Variants in ATRNL1 observed in about 807,000 individuals in gnomAD.
ATRNL1 encodes the protein attractin-like protein 1.
ATRNL1 carries 95 observed loss-of-function variants against 182.7 expected under a neutral mutation model. That is an observed-to-expected ratio of 0.52 (90% CI 0.44 to 0.62). The LOEUF (loss-of-function observed/expected upper bound fraction) is 0.62, where lower values mean the gene tolerates loss of function less well. Ranked by LOEUF, ATRNL1 falls within the 20% of genes least tolerant of loss-of-function variation. The probability of loss-of-function intolerance (pLI) is 0.00; values close to 1 mark genes in which losing one functional copy is unlikely to be tolerated. For missense variants in ATRNL1, 1,471 were observed against 1,679.5 expected, an observed-to-expected ratio of 0.88 and a Z score of 2.17; for synonymous variants, 576 against 568.3, an observed-to-expected ratio of 1.01 and a Z score of -0.19.
intron 5 of ATRNL1, among the ~76,000 whole-genome samples, chr10:115,136,692 G>A (rs1374681710): frequency 6.6e-6 from 1 of 152,114 alleles, no homozygotes; most frequent in Admixed American, 6.6e-5. Flanking sequence ...TAATCATACA[G>A]TATGTAGCTT....
chr10:115,717,641 T>C (rs1426791050), intron 26 of ATRNL1, among the ~76,000 whole-genome samples: 2 of 137,418 alleles, frequency 1.5e-5, no homozygotes, highest in Non-Finnish European at 3.1e-5. Flanking sequence ...AATCTCCACA[T>C]CCCGGGTTAA....
intron 20 of ATRNL1, among the ~76,000 whole-genome samples, chr10:115,419,986 T>G (rs897252028): frequency 1.3e-5 from 2 of 151,708 alleles, no homozygotes; most frequent in East Asian, 1.9e-4. Flanking sequence ...CAACAGCACA[T>G]GTAACATTGT....
chr10:115,402,249 T>G (rs1844601077), intron 20 of ATRNL1, among the ~76,000 whole-genome samples: 1 of 152,180 alleles, frequency 6.6e-6, no homozygotes, highest in Non-Finnish European at 1.5e-5. Flanking sequence ...TATGAGCACA[T>G]TTTTCACCTA....
intron 24 of ATRNL1, among the ~76,000 whole-genome samples, chr10:115,484,268 C>T (rs1848913345): frequency 6.6e-6 from 1 of 151,100 alleles, no homozygotes. Flanking sequence ...TTTGTTTTAT[C>T]ATATTTTGAA....
chr10:115,775,024 T>C (rs1555077488), intron 27 of ATRNL1, among the ~76,000 whole-genome samples: 1 of 152,202 alleles, frequency 6.6e-6, no homozygotes, highest in African/African-American at 2.4e-5. Flanking sequence ...TTTTGAATGA[T>C]CAGCTGTTAA....
chr10:115,910,141 G>A (rs1484876342), intron 28 of ATRNL1, among the ~76,000 whole-genome samples: 1 of 152,050 alleles, frequency 6.6e-6, no homozygotes, highest in African/African-American at 2.4e-5. Context: ...CCTGAGAAGG[G>A]CCATTGACAT....
chr10:115,664,929 A>G (rs1397928339), intron 26 of ATRNL1, among the ~76,000 whole-genome samples: 2 of 152,108 alleles, frequency 1.3e-5, no homozygotes, highest in Non-Finnish European at 2.9e-5. Flanking sequence ...TTAAAAATCT[A>G]TGTCATTTGA....
intron 28 of ATRNL1, among the ~76,000 whole-genome samples, chr10:115,939,029 T>A (rs1302655914): frequency 6.6e-6 from 1 of 152,142 alleles, no homozygotes; most frequent in African/African-American, 2.4e-5. Flanking sequence ...CAAAAAAAGA[T>A]GGTAAGTTGG....
chr10:115,100,128 C>CA (rs1254778704), intron 1 of ATRNL1, among the ~76,000 whole-genome samples: 1 of 152,002 alleles, frequency 6.6e-6, no homozygotes. Flanking sequence ...ACTGCCTATA[C>CA]AAAAACATTT....
At chr10:115,465,776 A>G (rs76217257) in intron 22 of ATRNL1, among the ~76,000 whole-genome samples, 3 of 151,634 alleles carry the variant, frequency 2.0e-5, no homozygotes, top group East Asian at 1.9e-4. Flanking sequence ...CAATATTACT[A>G]TGTACTACTC....
At chr10:115,279,633 T>A (rs192773100) in intron 13 of ATRNL1, among the ~76,000 whole-genome samples, 1 of 152,296 alleles carries the variant, frequency 6.6e-6, no homozygotes, top group Non-Finnish European at 1.5e-5. Context: ...AGATTTCTAA[T>A]CATAGTCTCA....
At chr10:115,710,505 G>A (rs954332710) in intron 26 of ATRNL1, among the ~76,000 whole-genome samples, 22 of 152,112 alleles carry the variant, frequency 1.4e-4, no homozygotes, top group African/African-American at 5.1e-4. Flanking sequence ...TAGGAAAGTA[G>A]AAACTGTCTG....
In ATRNL1 at chr10:115,248,674, G is replaced by A. The variant is rs930595517; in HGVS notation, c.1687+6949G>A. ...GGGGACAATTCCTGAGAGAAGATACGGGTATGAATGAGTTTTTTTTTAAAC... is the reference window on the plus strand; with the variant it reads ...GGGGACAATTCCTGAGAGAAGATACAGGTATGAATGAGTTTTTTTTTAAAC... On this transcript the variant is annotated intron_variant, in intron 10 of 28. Coordinates refer to ENST00000355044, the MANE Select transcript of ATRNL1 (RefSeq NM_207303.4). 2.0e-5 allele frequency among the ~76,000 whole-genome samples: 3 copies of A among 152,018 alleles called. No individual in the cohort carries two copies. The East Asian group carries it at 5.8e-4, about 29-fold the overall frequency.
intron 10 of ATRNL1, among the ~76,000 whole-genome samples, chr10:115,257,551 C>T (rs534002328): frequency 4.6e-5 from 7 of 152,286 alleles, no homozygotes; most frequent in Non-Finnish European, 2.9e-5. Flanking sequence ...CTCCTGAATA[C>T]AGCACACTGA....
chr10:115,277,456 T>C (rs1554915204), intron 13 of ATRNL1, among the ~76,000 whole-genome samples: 1 of 152,066 alleles, frequency 6.6e-6, no homozygotes, highest in African/African-American at 2.4e-5. Flanking sequence ...GGTTAAAAAT[T>C]GCTTCAATAA....
At chr10:115,201,056 G>A (rs1157517062) in intron 8 of ATRNL1, among the ~76,000 whole-genome samples, 4 of 150,056 alleles carry the variant, frequency 2.7e-5, no homozygotes, top group African/African-American at 9.8e-5. Flanking sequence ...ATACCCTTTG[G>A]CCACTTTTTG....
At chr10:115,719,117 A>C (rs912195502) in intron 26 of ATRNL1, among the ~76,000 whole-genome samples, 4 of 152,292 alleles carry the variant, frequency 2.6e-5, no homozygotes, top group Admixed American at 2.0e-4. Context: ...AAAAAAACAA[A>C]ATTTTTCCTA....
At chr10:115,459,388 C>T (rs1431345485) in intron 21 of ATRNL1, among the ~76,000 whole-genome samples, 1 of 152,114 alleles carries the variant, frequency 6.6e-6, no homozygotes, top group Non-Finnish European at 1.5e-5. Flanking sequence ...TTCTTTTTCT[C>T]AGCATGGAAA....
At chr10:115,364,646 G>C (rs1484581129) in intron 19 of ATRNL1, among the ~76,000 whole-genome samples, 1 of 150,954 alleles carries the variant, frequency 6.6e-6, no homozygotes, top group Non-Finnish European at 1.5e-5. Context: ...GTATGATATT[G>C]GCTGTGGGTT....
Sources: gnomAD v4.1 joint callset for allele counts (sites outside exome capture counted in the v4.1 genomes callset) on GRCh38, gnomAD v4.1.1 for gene constraint, MANE v1.5 for transcripts, NCBI Gene and HGNC (gene_info 2026-07-23, HGNC 2026-07-21) for gene names.